The following SUGCT variants were observed in gnomAD, a reference collection of about 807,000 sequenced individuals.
The protein encoded by SUGCT is succinyl-CoA:glutarate CoA-transferase.
SUGCT carries 41 observed loss-of-function variants against 55.0 expected under a neutral mutation model. That is an observed-to-expected ratio of 0.74 (90% confidence interval 0.58 to 0.97). The LOEUF (loss-of-function observed/expected upper bound fraction) is 0.97. Ranked by LOEUF, SUGCT falls within the 50% of genes least tolerant of loss-of-function variation. SUGCT has a pLI of 0.00. For synonymous variants in SUGCT, 187 were observed against 200.4 expected (o/e 0.93, Z 0.56); for missense variants, 568 against 547.8 (o/e 1.04, Z -0.37).
chr7:40,960,966 C>A, the SUGCT span, among the ~76,000 whole-genome samples: 2 of 152,120 alleles, frequency 1.3e-5, no homozygotes, highest in Admixed American at 1.3e-4. Flanking sequence ...ATTTACTTAC[C>A]ACAAGGATTT....
At chr7:40,268,276 GC>G (rs2150981844) in intron 7 of SUGCT, among the ~76,000 whole-genome samples, 1 of 152,180 alleles carries the variant, frequency 6.6e-6, no homozygotes, top group East Asian at 1.9e-4. Context: ...CCTCCGCCCA[GC>G]CCCTGGCTAA....
intron 12 of SUGCT, among the ~76,000 whole-genome samples, chr7:40,522,682 C>G (rs1250024206): frequency 6.6e-6 from 1 of 152,090 alleles, no homozygotes; most frequent in Non-Finnish European, 1.5e-5. Context: ...TCCATCCAGG[C>G]AGTAGCTAGA....
chr7:40,328,525 A>C (rs1280637263), intron 9 of SUGCT, among the ~76,000 whole-genome samples: 1 of 152,100 alleles, frequency 6.6e-6, no homozygotes, highest in Non-Finnish European at 1.5e-5. Flanking sequence ...GGGCCTAAGG[A>C]GGGGGATAGC....
chr7:40,527,397 T>G (rs552632497), intron 12 of SUGCT, among the ~76,000 whole-genome samples: 5 of 152,352 alleles, frequency 3.3e-5, no homozygotes, highest in Admixed American at 6.5e-5. Context: ...TGCATTAGAT[T>G]CTTTTTCCTT....
chr7:40,360,919 C>T (rs1798121067), intron 9 of SUGCT, among the ~76,000 whole-genome samples: 1 of 152,202 alleles, frequency 6.6e-6, no homozygotes, highest in Non-Finnish European at 1.5e-5. Flanking sequence ...TGTTACAGTA[C>T]TCTAGGTGCA....
intron 7 of SUGCT, among the ~76,000 whole-genome samples, chr7:40,249,615 A>T (rs1790218976): frequency 6.6e-6 from 1 of 151,818 alleles, no homozygotes; most frequent in Non-Finnish European, 1.5e-5. Context: ...TTAGTTCACT[A>T]ACAAAAGAGG....
At chr7:40,674,668 A>G (rs1471033782) in intron 12 of SUGCT, among the ~76,000 whole-genome samples, 1 of 152,222 alleles carries the variant, frequency 6.6e-6, no homozygotes, top group Non-Finnish European at 1.5e-5. Flanking sequence ...GGAAATGTAT[A>G]AAAATGACTC....
chr7:40,399,566 A>G (rs1785949001), intron 9 of SUGCT, among the ~76,000 whole-genome samples: 2 of 152,152 alleles, frequency 1.3e-5, no homozygotes, highest in East Asian at 1.9e-4. Flanking sequence ...ACAATAAAAG[A>G]TACAACAGGA....
intron 11 of SUGCT, among the ~76,000 whole-genome samples, chr7:40,491,034 C>A (rs2151508337): frequency 6.6e-6 from 1 of 152,314 alleles, no homozygotes; most frequent in African/African-American, 2.4e-5. Flanking sequence ...TTAATTCAAA[C>A]TAATGTCACT....
the SUGCT span, among the ~76,000 whole-genome samples, chr7:40,888,747 C>T: frequency 6.6e-6 from 1 of 152,150 alleles, no homozygotes; most frequent in African/African-American, 2.4e-5. Context: ...GTACTGCTCA[C>T]TGCATCAGTC....
At chr7:40,384,961 T>G (rs1476854037) in intron 9 of SUGCT, among the ~76,000 whole-genome samples, 2 of 152,142 alleles carry the variant, frequency 1.3e-5, no homozygotes, top group Non-Finnish European at 2.9e-5. Context: ...CTCAAGGGCC[T>G]TTTCTTGTCC....
the SUGCT span, among the ~76,000 whole-genome samples, chr7:40,908,666 A>C: frequency 6.6e-6 from 1 of 152,138 alleles, no homozygotes; most frequent in Non-Finnish European, 1.5e-5. Context: ...AATATAAAAA[A>C]TATAAAAATA....
chr7:40,759,130 CAG>C (rs1292457898), intron 13 of SUGCT, among the ~76,000 whole-genome samples: 1 of 152,180 alleles, frequency 6.6e-6, no homozygotes, highest in Non-Finnish European at 1.5e-5. Flanking sequence ...ATATCTGCAA[CAG>C]AGACTAATTC....
the SUGCT span, among the ~76,000 whole-genome samples, chr7:40,951,834 C>T: frequency 1.3e-5 from 2 of 152,088 alleles, no homozygotes; most frequent in African/African-American, 2.4e-5. Context: ...GTTATAATTT[C>T]TGTTCTTTTA....
At chr7:41,009,552 A>T in the SUGCT span, among the ~76,000 whole-genome samples, 4 of 145,152 alleles carry the variant, frequency 2.8e-5, no homozygotes, top group Admixed American at 6.9e-5. Context: ...CCTTCCATCC[A>T]CCATCCATCC....
Position 40,283,533 on chromosome 7 carries a change from G to A in SUGCT, c.720+8877G>A, listed in dbSNP as rs576279420. 6.6e-5 allele frequency among the ~76,000 whole-genome samples: 10 copies of A among 151,854 alleles called. No individual in the cohort carries two copies. The East Asian group carries it at 1.7e-3, about 26-fold the overall frequency. ...CATGAGCCACCGCGCCTGGCCAGAC[G>A]TTTCTTAAAACAAGACATACAAGTG... On this transcript the variant is annotated intron_variant, in intron 8 of 13. Transcript: ENST00000335693.
chr7:40,258,004 C>G (rs1790931490), intron 7 of SUGCT, among the ~76,000 whole-genome samples: 1 of 152,234 alleles, frequency 6.6e-6, no homozygotes, highest in Non-Finnish European at 1.5e-5. Context: ...TCTGCAAACA[C>G]TGAACCAGGG....
chr7:40,910,268 C>T, the SUGCT span, among the ~76,000 whole-genome samples: 1 of 151,636 alleles, frequency 6.6e-6, no homozygotes, highest in South Asian at 2.1e-4. Flanking sequence ...AAGACTAAGA[C>T]CAGGTATGAC....
At chr7:40,999,899 T>G in the SUGCT span, among the ~76,000 whole-genome samples, 1 of 152,220 alleles carries the variant, frequency 6.6e-6, no homozygotes, top group South Asian at 2.1e-4. Flanking sequence ...CAATTTTTTC[T>G]TTTGACTTTA....
Sources: gnomAD v4.1 joint callset for allele counts (sites outside exome capture counted in the v4.1 genomes callset) on GRCh38, gnomAD v4.1.1 for gene constraint, MANE v1.5 for transcripts, NCBI Gene and HGNC (gene_info 2026-07-23, HGNC 2026-07-21) for gene names.